CFAP74: variants seen among roughly 807,000 people sequenced by gnomAD.
CFAP74 encodes the protein cilia- and flagella-associated protein 74.
Under a neutral mutation model 188.9 loss-of-function variants are expected in CFAP74, and 124 were observed. The observed-to-expected ratio is 0.66, with a 90% confidence interval of 0.57 to 0.76. The LOEUF is 0.76. Ranked by LOEUF, CFAP74 falls within the 30% of genes least tolerant of loss-of-function variation. CFAP74 has a pLI of 0.00. For missense variants in CFAP74, 2,198 were observed against 2,165.2 expected (o/e 1.02, Z -0.30); for synonymous variants, 956 against 916.7 (o/e 1.04, Z -0.77).
chr1:1,929,961 A>ACC, intron 26 of CFAP74, 99 bp downstream of exon 26: 1 of 1,315,586 alleles, frequency 7.6e-7, no homozygotes, highest in East Asian at 2.6e-5. Context: ...CCGGGTTGAA[A>ACC]CCCTGTGGTT....
rs779394985 is a variant in CFAP74, at chr1:1,968,740, A to G, written c.1140T>C (p.His380=). ...EAEEEKRKKQ[H]PPTSARHRLT... ...GCCGGTGCCTGGCACTGGTGGGGGG[A>G]TGCTGTTTCTTCCTCTTTTCCTCCT... The change falls in exon 11 of 39, where the codon CAT becomes CAC. Residue 380 remains histidine (H), a synonymous_variant. Coordinates refer to ENST00000682832, the MANE Select transcript of CFAP74 (RefSeq NM_001304360.2). The surrounding 1 kb of genome is among the most constrained non-coding windows in gnomAD (Gnocchi z 4.3). The G allele has an allele frequency of 1.2e-6, 2 of 1,613,678 alleles. No homozygotes were observed. Among genetic ancestry groups the G allele is most frequent in the South Asian group, 1.1e-5 (1 of 91,054 alleles).
At chr1:1,967,522 C>T (rs1655555501) in intron 11 of CFAP74, among the ~76,000 whole-genome samples, 1 of 152,044 alleles carries the variant, frequency 6.6e-6, no homozygotes, top group South Asian at 2.1e-4. Flanking sequence ...GGTGCAAAGG[C>T]CCCGGCGTGA....
rs137997736 is a variant in CFAP74, at chr1:1,923,136, C to T, written c.4532G>A (p.Arg1511Gln). The change falls in exon 37 of 39, where the codon CGG becomes CAG. Residue 1511 changes from arginine to glutamine, a missense_variant. Transcript: ENST00000682832. The surrounding 1 kb of genome is among the most constrained non-coding windows in gnomAD (Gnocchi z 6.3). The stretch of plus-strand genomic sequence containing the variant: ...AGCTTCTGGAGAGAGAGGGCCTGGC[C>T]GGGAGCTGGCTGGAGGGGTGTGGCC... ...FDPRHREASS[R>Q]PGPLSPEAEE... The T allele has an allele frequency of 3.0e-4, 477 of 1,608,170 alleles. 2 individuals are homozygous for T. In the African/African-American group the frequency reaches 4.0e-3, roughly 14 times the overall value.
intron 25 of CFAP74, among the ~76,000 whole-genome samples, chr1:1,931,432 T>TAAAAAAAA (rs34892654): frequency 1.3e-5 from 1 of 75,388 alleles, no homozygotes; most frequent in Non-Finnish European, 2.3e-5. Flanking sequence ...CCCATCTCAA[T>TAAAAAAAA]AAAAAAAAAA....
chr1:1,934,437 ATGTG>A (rs1209748736), intron 25 of CFAP74, among the ~76,000 whole-genome samples: 1 of 28,600 alleles, frequency 3.5e-5, no homozygotes, highest in Non-Finnish European at 6.5e-5. Context: ...GTAGGTACAC[ATGTG>A]TGTATTAGGT....
intron 14 of CFAP74, among the ~76,000 whole-genome samples, chr1:1,961,838 C>G (rs996922532): frequency 2.0e-5 from 3 of 152,224 alleles, no homozygotes; most frequent in Admixed American, 2.0e-4. Context: ...CTAAAATCAG[C>G]TCCCCAAAGA....
chr1:1,955,452 T>C (rs758286910), intron 18 of CFAP74: 1 of 1,543,068 alleles, frequency 6.5e-7, no homozygotes, highest in South Asian at 1.1e-5. Flanking sequence ...GCTGGGCCAA[T>C]GCTGGAGGTG....
chr1:1,973,020 G>C lies in CFAP74; in HGVS notation c.702C>G (p.Leu234=), dbSNP rs369880126. Residue 234 remains leucine (L), a synonymous_variant, in exon 8 of 39, where the codon CTC becomes CTG. Coordinates refer to ENST00000682832, the MANE Select transcript of CFAP74 (RefSeq NM_001304360.2). The surrounding 1 kb of genome is among the most constrained non-coding windows in gnomAD (Gnocchi z 6.2). ...IRKSLNTQKE[L]GLRHQKLLED... is the part of the protein sequence containing the mutation. ...CCAGCAGCTTCTGGTGCCTGAGCCCGAGCTCCTTCTGGGTGTTCAGGGACT... is the reference window on the plus strand; with the variant it reads ...CCAGCAGCTTCTGGTGCCTGAGCCCCAGCTCCTTCTGGGTGTTCAGGGACT... 7 of 1,613,946 alleles carry C rather than the reference G, an allele frequency of 4.3e-6. No individual in the cohort carries two copies. Among genetic ancestry groups the C allele is most frequent in the Non-Finnish European group, 3.4e-6 (4 of 1,179,964 alleles).
At chr1:1,924,933 G>A (rs1053715037) in intron 33 of CFAP74, among the ~76,000 whole-genome samples, 6 of 152,246 alleles carry the variant, frequency 3.9e-5, no homozygotes, top group African/African-American at 9.6e-5. Flanking sequence ...TGAGCCAGGC[G>A]GAGAAGCAGG....
intron 20 of CFAP74, among the ~76,000 whole-genome samples, chr1:1,944,788 G>T (rs1157080887): frequency 6.6e-6 from 1 of 151,988 alleles, no homozygotes; most frequent in Non-Finnish European, 1.5e-5. Flanking sequence ...TGTATTTTTA[G>T]TAGAGATGGG....
rs867671723 is a variant in CFAP74 at position 1,944,423 on chromosome 1, G to A, written c.2394C>T (p.Ile798=). Reference sequence around the variant, plus strand: ...GCTTCGGCACCCAGACCGGCACATCGATGGCCACGCCCACGACCCTGAAAT... The same window carrying A: ...GCTTCGGCACCCAGACCGGCACATCAATGGCCACGCCCACGACCCTGAAAT... ...TLHFRVVGVA[I]DVPVWVPKPS... The change falls in exon 21 of 39, where the codon ATC becomes ATT. Residue 798 remains isoleucine (I), a synonymous_variant. Transcript: ENST00000682832. 11 of 1,535,938 alleles carry A rather than the reference G, an allele frequency of 7.2e-6. No homozygotes were observed. The highest frequency in any genetic ancestry group is 3.3e-4 in the Middle Eastern group (2 of 6,010).
chr1:1,946,179 T>C (rs1653763395), intron 20 of CFAP74, 138 bp downstream of exon 20: 1 of 1,067,064 alleles, frequency 9.4e-7, no homozygotes, highest in African/African-American at 1.6e-5. Flanking sequence ...TTGTAAACTG[T>C]GGTGCCAACC....
Position 1,972,991 on chromosome 1 carries a change from TC to T in CFAP74, c.730del (p.Asp244ThrfsTer13). ...LGLRHQKLLEDARKNHKVAVR... is the reference protein window; with the variant it reads ...LGLRHQKLLEXARKNHKVAVR... Reference sequence around the variant, plus strand: ...GGCAACCTTGTGGTTCTTCCGGGCGTCCTCCAGCAGCTTCTGGTGCCTGAGC... The same window carrying T: ...GGCAACCTTGTGGTTCTTCCGGGCGTCTCCAGCAGCTTCTGGTGCCTGAGC... On this transcript the variant is annotated frameshift_variant, in exon 8 of 39. Coordinates refer to ENST00000682832, the MANE Select transcript of CFAP74 (RefSeq NM_001304360.2). LOFTEE classifies it high-confidence loss of function. The T allele has an allele frequency of 6.2e-7, 1 of 1,613,992 alleles. No individual in the cohort carries two copies. The highest frequency in any genetic ancestry group is 8.5e-7 in the Non-Finnish European group (1 of 1,179,996).
rs1381076958 is a variant in CFAP74 at position 1,922,348 on chromosome 1, C to A, written c.4859G>T (p.Arg1620Met). 5.6e-6 allele frequency: 9 copies of A among 1,603,216 alleles called. No individual in the cohort carries two copies. The highest frequency in any genetic ancestry group is 1.8e-5 in the Admixed American group (1 of 56,538). The change falls in exon 39 of 39, where the codon AGG (arginine) becomes ATG (methionine). Residue 1620 changes from arginine (R) to methionine (M), a missense_variant. By Grantham distance (91) the Arg-to-Met change is moderately conservative (BLOSUM62 -1). Transcript: ENST00000682832. ...PLMVSALLQL[R>M]GDVKETYKVI... ...CTTGTAGGTCTCCTTCACATCCCCC[C>A]TTAGCTGCAGCAGGGCCGACACCAT... is the stretch of plus-strand genomic sequence containing the variant.
rs34088299 is a variant in CFAP74, at chr1:1,931,743, C to CAAA, written c.3012-1410_3012-1408dup. ...CAGAGCAAAGACTCTGTCTCTGTCT[C>CAAA]AAAAAAAAAAAAAAAAAAAAAAATT... On this transcript the variant is annotated intron_variant, in intron 25 of 38. Coordinates refer to ENST00000682832, the MANE Select transcript of CFAP74 (RefSeq NM_001304360.2). Among the ~76,000 whole-genome samples, 44 of 77,062 alleles carry CAAA rather than the reference C, an allele frequency of 5.7e-4. No homozygotes were observed. In the East Asian group the frequency reaches 6.5e-3, roughly 11 times the overall value. The allele number at this position is 77,062 out of a possible 152,430, so 50.6% of individuals were successfully genotyped here. A position where few individuals can be genotyped will look rare whatever the true frequency, so the allele number is the denominator to read the frequency against.
At chr1:1,979,917 T>C (rs1656722431) in intron 6 of CFAP74, among the ~76,000 whole-genome samples, 1 of 149,968 alleles carries the variant, frequency 6.7e-6, no homozygotes, top group Non-Finnish European at 1.5e-5. Flanking sequence ...AGGTGTCACG[T>C]GACGAGGCTG....
rs4648601 is a variant in CFAP74 at position 1,968,422 on chromosome 1, C to T, written c.1245+213G>A. On this transcript the variant is annotated intron_variant, in intron 11 of 38. Coordinates refer to ENST00000682832, the MANE Select transcript of CFAP74 (RefSeq NM_001304360.2). The surrounding 1 kb of genome is among the most constrained non-coding windows in gnomAD (Gnocchi z 4.3). ...CACTGGACCCTTGCTGGGGATGCTG[C>T]GGCCATGGGCCTCTCTCATGTGGTG... 0.22 allele frequency among the ~76,000 whole-genome samples: 32,976 copies of T among 151,530 alleles called. 3,797 individuals carry two copies. The highest frequency in any genetic ancestry group is 0.26 in the East Asian group (1,337 of 5,116).
rs188867182 is a variant in CFAP74, at chr1:1,970,621, C to T, written c.1046+38G>A. The T allele has an allele frequency of 2.2e-4, 342 of 1,569,184 alleles. 1 individual carries two copies. In the African/African-American group the frequency reaches 4.0e-3, roughly 18 times the overall value. ...GCTCTCCCTGCACCCACTGACTGGGCGGGTGCCTCCCGGTGGCACCTCTGC... is the reference window on the plus strand; with the variant it reads ...GCTCTCCCTGCACCCACTGACTGGGTGGGTGCCTCCCGGTGGCACCTCTGC... On this transcript the variant is annotated intron_variant, in intron 10 of 38. Coordinates refer to ENST00000682832, the MANE Select transcript of CFAP74 (RefSeq NM_001304360.2).
intron 22 of CFAP74, 43 bp downstream of exon 22, chr1:1,941,985 C>G: frequency 2.1e-6 from 3 of 1,437,214 alleles, no homozygotes; most frequent in Non-Finnish European, 2.7e-6. Context: ...AGCCCACAAC[C>G]TCCCACGTCC....
Sources: allele counts gnomAD v4.1 joint callset (sites outside exome capture counted in the v4.1 genomes callset), GRCh38; gene constraint gnomAD v4.1.1; non-coding constraint Gnocchi (gnomAD v3.1); transcripts MANE v1.5; gene names NCBI Gene and HGNC (gene_info 2026-07-23, HGNC 2026-07-21).